Variants in ARID1B observed in about 807,000 individuals in gnomAD.
ARID1B encodes the protein AT-rich interaction domain 1B.
ARID1B carries 30 observed loss-of-function variants against 212.3 expected under a neutral mutation model. The observed-to-expected ratio is 0.14, with a 90% confidence interval of 0.11 to 0.19. The LOEUF is 0.19. Ranked by LOEUF, ARID1B falls within the 10% of genes least tolerant of loss-of-function variation. The probability of loss-of-function intolerance (pLI) is 1.00; values close to 1 mark genes in which losing one functional copy is unlikely to be tolerated. For synonymous variants in ARID1B, 1,402 were observed against 1,301.7 expected (o/e 1.08, Z -1.66); for missense variants, 2,891 against 3,204.0 (o/e 0.90, Z 2.36).
At chr6:156,924,529 C>T (rs116497268) in intron 3 of ARID1B, among the ~76,000 whole-genome samples, 2,489 of 152,292 alleles carry the variant, frequency 0.016, 61 homozygotes, top group African/African-American at 0.056. Context: ...GGATGGGAAG[C>T]GCCTGCAACG....
chr6:156,970,182 G>A (rs1776824350), intron 4 of ARID1B, among the ~76,000 whole-genome samples: 1 of 152,034 alleles, frequency 6.6e-6, no homozygotes, highest in African/African-American at 2.4e-5. Context: ...CTGGGTTCAA[G>A]CAATTCTCCT....
chr6:157,026,813 G>A (rs1780695918), intron 4 of ARID1B, among the ~76,000 whole-genome samples: 1 of 152,140 alleles, frequency 6.6e-6, no homozygotes, highest in African/African-American at 2.4e-5. Flanking sequence ...ACTGCGCCTG[G>A]CTATTAGAAG....
chr6:157,077,130 A>G (rs775059792), intron 4 of ARID1B, among the ~76,000 whole-genome samples: 2 of 152,190 alleles, frequency 1.3e-5, no homozygotes, highest in African/African-American at 4.8e-5. Flanking sequence ...ACATGTTGCT[A>G]TTTAACCCAG....
intron 4 of ARID1B, among the ~76,000 whole-genome samples, chr6:157,018,017 A>C (rs1780009986): frequency 6.6e-6 from 1 of 150,742 alleles, no homozygotes; most frequent in Non-Finnish European, 1.5e-5. Context: ...TTGTAGTCCC[A>C]GTTACTCAAG....
chr6:157,071,410 ATTACT>A (rs1783997203), intron 4 of ARID1B: 2 of 152,354 alleles, frequency 1.3e-5, no homozygotes, highest in Admixed American at 1.3e-4. Flanking sequence ...TCTCCATTTC[ATTACT>A]TTAAGACTTC....
At chr6:156,846,958 T>C (rs1281719194) in intron 2 of ARID1B, among the ~76,000 whole-genome samples, 1 of 152,230 alleles carries the variant, frequency 6.6e-6, no homozygotes, top group Non-Finnish European at 1.5e-5. Flanking sequence ...ATCACTTGTC[T>C]TTCTGCTTTT....
chr6:156,994,761 G>A (rs1446519417), intron 4 of ARID1B, among the ~76,000 whole-genome samples: 1 of 152,118 alleles, frequency 6.6e-6, no homozygotes, highest in Non-Finnish European at 1.5e-5. Flanking sequence ...GTCCAGCCCA[G>A]GGCTGCCTAG....
intron 2 of ARID1B, among the ~76,000 whole-genome samples, chr6:156,830,950 C>T (rs1435249269): frequency 1.5e-4 from 23 of 152,164 alleles, no homozygotes; most frequent in Admixed American, 1.4e-3. Context: ...GACCTCACTT[C>T]TCAATTATTG....
chr6:157,140,778 C>T lies in ARID1B; in HGVS notation c.2761+7571C>T, dbSNP rs1462908036. 7 of 397,004 alleles carry T rather than the reference C, an allele frequency of 1.8e-5. No homozygotes were observed. In the South Asian group the frequency reaches 4.0e-4, roughly 23 times the overall value. The allele number at this position is 397,004 out of a possible 1,614,324, so 24.6% of individuals were successfully genotyped here. A position where few individuals can be genotyped will look rare whatever the true frequency, so the allele number is the denominator to read the frequency against. ...ACGTGTCCTTGGGGTCCGCCTCTGA[C>T]GTTAGCCCTGGTCCGGGATCCGCTT... On this transcript the variant is annotated intron_variant, in intron 7 of 19. Coordinates refer to ENST00000636930, the MANE Select transcript of ARID1B (RefSeq NM_001374828.1).
At chr6:157,204,992 G>A (rs971278945) in intron 19 of ARID1B, 1 of 152,158 alleles carries the variant, frequency 6.6e-6, no homozygotes, top group Non-Finnish European at 1.5e-5. Flanking sequence ...AACATTGTAC[G>A]AGTTCTGTGT....
rs549289491 is a variant in ARID1B at position 156,779,042 on chromosome 6, C to T, written c.1362C>T (p.Pro454=). 3 of 1,227,086 alleles carry T rather than the reference C, an allele frequency of 2.4e-6. No homozygotes were observed. Among genetic ancestry groups the T allele is most frequent in the East Asian group, 3.3e-5 (1 of 30,092 alleles). 76.0% of individuals were successfully genotyped at this position (1,227,086 alleles called of 1,614,324 possible). The change falls in exon 1 of 20, where the codon CCC becomes CCT. Residue 454 remains proline, a synonymous_variant. Coordinates refer to ENST00000636930, the MANE Select transcript of ARID1B (RefSeq NM_001374828.1). The stretch of plus-strand genomic sequence containing the variant: ...CGGGGTACGGGGTGCTGAGCTCCCC[C>T]CGGCAGCAGGGCGGCGGCATGATGA... ...SSAGYGVLSS[P]RQQGGGMMMG...
intron 4 of ARID1B, among the ~76,000 whole-genome samples, chr6:156,989,534 A>C (rs1778143754): frequency 6.6e-6 from 1 of 152,146 alleles, no homozygotes; most frequent in Non-Finnish European, 1.5e-5. Flanking sequence ...TTAAGTAAGG[A>C]CCCTGGGGGT....
intron 4 of ARID1B, among the ~76,000 whole-genome samples, chr6:157,059,469 G>T (rs1783202200): frequency 6.6e-6 from 1 of 152,212 alleles, no homozygotes; most frequent in Non-Finnish European, 1.5e-5. Context: ...GAGGTTAAAA[G>T]AGTCTGATTC....
intron 4 of ARID1B, among the ~76,000 whole-genome samples, chr6:156,980,376 A>C (rs1472750698): frequency 6.6e-6 from 1 of 152,068 alleles, no homozygotes; most frequent in Non-Finnish European, 1.5e-5. Context: ...CCAGCTACTC[A>C]GGAGGTTGAG....
Position 157,107,709 on chromosome 6 carries a change from G to A in ARID1B, c.2492-2763G>A, listed in dbSNP as rs1454851367. On this transcript the variant is annotated intron_variant, in intron 5 of 19. Transcript: ENST00000636930. ...ACATTGCTGAGGAAAGAACACGGGGGCTCTCTTTATTTATTTTTTTAAGCT... is the reference window on the plus strand; with the variant it reads ...ACATTGCTGAGGAAAGAACACGGGGACTCTCTTTATTTATTTTTTTAAGCT... 17 of 152,208 alleles carry A rather than the reference G, an allele frequency of 1.1e-4. No individual in the cohort carries two copies. The South Asian group carries it at 3.3e-3, about 30-fold the overall frequency. 9.4% of individuals were successfully genotyped at this position (152,208 alleles called of 1,614,324 possible). A position where few individuals can be genotyped will look rare whatever the true frequency, so the allele number is the denominator to read the frequency against.
At chr6:157,123,244 C>T (rs1474666714) in intron 6 of ARID1B, among the ~76,000 whole-genome samples, 6 of 119,046 alleles carry the variant, frequency 5.0e-5, no homozygotes, top group Admixed American at 9.1e-5. Flanking sequence ...CCCCGCCCCC[C>T]CCCCACACAC....
intron 3 of ARID1B, among the ~76,000 whole-genome samples, chr6:156,924,618 C>T (rs1179993940): frequency 6.6e-6 from 1 of 152,106 alleles, no homozygotes; most frequent in Non-Finnish European, 1.5e-5. Flanking sequence ...GGAATTTTTT[C>T]CCTTTAATAT....
Position 156,935,516 on chromosome 6 carries a change from C to T in ARID1B, c.2187C>T (p.Pro729=), listed in dbSNP as rs146240413. The change falls in exon 4 of 20, where the codon CCC becomes CCT. Residue 729 remains proline (P), a synonymous_variant. Coordinates refer to ENST00000636930, the MANE Select transcript of ARID1B (RefSeq NM_001374828.1). Reference sequence around the variant, plus strand: ...CTAGATCTCAACCTCCTCTGGCCCCCGGAAAACCTAACCATGAAGACTTGA... The same window carrying T: ...CTAGATCTCAACCTCCTCTGGCCCCTGGAAAACCTAACCATGAAGACTTGA... ...YGTRSQPPLA[P]GKPNHEDLNL... 6,948 of 1,613,896 alleles carry T rather than the reference C, an allele frequency of 4.3e-3. 21 individuals are homozygous for T. Among genetic ancestry groups the T allele is most frequent in the Non-Finnish European group, 5.3e-3 (6,282 of 1,179,882 alleles).
intron 4 of ARID1B, among the ~76,000 whole-genome samples, chr6:157,052,554 C>CT (rs1782679059): frequency 6.6e-6 from 1 of 152,192 alleles, no homozygotes; most frequent in Non-Finnish European, 1.5e-5. Flanking sequence ...AGCTGTGTAA[C>CT]TTAAACAGGC....
Sources: gnomAD v4.1 joint callset for allele counts (sites outside exome capture counted in the v4.1 genomes callset) on GRCh38, gnomAD v4.1.1 for gene constraint, MANE v1.5 for transcripts, NCBI Gene and HGNC (gene_info 2026-07-23, HGNC 2026-07-21) for gene names.